The following ANKS1B variants were observed in gnomAD, a reference collection of about 807,000 sequenced individuals.
ANKS1B encodes ankyrin repeat and sterile alpha motif domain-containing protein 1B.
In ANKS1B, 36 loss-of-function variants were observed where a neutral mutation model predicts 148.3. The observed-to-expected ratio is 0.24, with a 90% confidence interval of 0.19 to 0.32. The LOEUF (loss-of-function observed/expected upper bound fraction) is 0.32, where lower values mean the gene tolerates loss of function less well. Ranked by LOEUF, ANKS1B falls within the 10% of genes least tolerant of loss-of-function variation. The pLI is 1.00. For synonymous variants in ANKS1B, 542 were observed against 560.8 expected, an observed-to-expected ratio of 0.97 and a Z score of 0.47; for missense variants, 1,157 against 1,542.6, an observed-to-expected ratio of 0.75 and a Z score of 4.19.
chr12:99,267,179 C>T (rs1262852548), intron 12 of ANKS1B, among the ~76,000 whole-genome samples: 1 of 152,170 alleles, frequency 6.6e-6, no homozygotes, highest in Admixed American at 6.5e-5. Context: ...ACTCACCATC[C>T]AGACTAGTTT....
At chr12:99,080,759 T>C (rs1429559758) in intron 16 of ANKS1B, among the ~76,000 whole-genome samples, 1 of 152,204 alleles carries the variant, frequency 6.6e-6, no homozygotes, top group Non-Finnish European at 1.5e-5. Flanking sequence ...AACTAAGTTT[T>C]ATGTTGAAAA....
In ANKS1B at chr12:99,246,850, G is replaced by C. The variant is rs2073926205; in HGVS notation, c.1771C>G (p.Gln591Glu). Reference sequence around the variant, plus strand: ...TCTTTTGGGGGATCATTGTCATCCTGTCGGGAGAGGTCATCTGCAAAAGGA... The same window carrying C: ...TCTTTTGGGGGATCATTGTCATCCTCTCGGGAGAGGTCATCTGCAAAAGGA... ...GTNHTDDLSR[Q>E]DDNDPPKEYD... Residue 591 changes from glutamine (Q) to glutamate (E), a missense_variant, in exon 13 of 27, where the codon CAG becomes GAG. Gln to Glu is a conservative substitution (Grantham distance 29). This residue lies in a region of ANKS1B where 661 missense variants were observed against 642.1 expected (regional missense o/e 1.03). Transcript: ENST00000683438. 6.3e-7 allele frequency: 1 copy of C among 1,582,578 alleles called. No homozygotes were observed.
chr12:99,963,602 T>C (rs2095445667), intron 1 of ANKS1B, among the ~76,000 whole-genome samples: 1 of 152,234 alleles, frequency 6.6e-6, no homozygotes, highest in Non-Finnish European at 1.5e-5. Context: ...CAATTAATGA[T>C]AGCATTTTTT....
intron 1 of ANKS1B, among the ~76,000 whole-genome samples, chr12:99,951,357 T>A (rs2153823093): frequency 6.6e-6 from 1 of 152,350 alleles, no homozygotes; most frequent in Middle Eastern, 3.4e-3. Flanking sequence ...TTCCTTTTTC[T>A]TGTCCTCTAT....
At chr12:99,970,245 T>C (rs1197290419) in intron 1 of ANKS1B, among the ~76,000 whole-genome samples, 2 of 152,044 alleles carry the variant, frequency 1.3e-5, no homozygotes, top group African/African-American at 2.4e-5. Flanking sequence ...CAACCATAGG[T>C]GCTTCTGATG....
chr12:98,929,409 T>C (rs183472229), intron 17 of ANKS1B, among the ~76,000 whole-genome samples: 170 of 152,150 alleles, frequency 1.1e-3, no homozygotes, highest in African/African-American at 3.7e-3. Flanking sequence ...GCCTTATTTG[T>C]AGAAATTAAT....
intron 14 of ANKS1B, among the ~76,000 whole-genome samples, chr12:99,211,634 C>T (rs987933473): frequency 6.6e-6 from 1 of 152,154 alleles, no homozygotes; most frequent in African/African-American, 2.4e-5. Flanking sequence ...CAGGAAGGAC[C>T]CGCTCCAGTT....
Position 99,400,448 on chromosome 12 carries a change from T to C in ANKS1B, c.1576-637A>G. On this transcript the variant is annotated intron_variant, in intron 11 of 26. Coordinates refer to ENST00000683438, the MANE Select transcript of ANKS1B (RefSeq NM_001352186.2). ...CCCCAAATAGCAAGAAAAGTCAATTTAAACATAAAAGTTAAAATCATGGAG... is the reference window on the plus strand; with the variant it reads ...CCCCAAATAGCAAGAAAAGTCAATTCAAACATAAAAGTTAAAATCATGGAG... 1.4e-5 allele frequency among the ~76,000 whole-genome samples: 2 copies of C among 145,908 alleles called. 1 individual carries two copies. Among genetic ancestry groups the C allele is most frequent in the Non-Finnish European group, 3.0e-5 (2 of 66,002 alleles).
chr12:99,534,363 C>A (rs1343082034), intron 9 of ANKS1B, among the ~76,000 whole-genome samples: 1 of 152,168 alleles, frequency 6.6e-6, no homozygotes, highest in Non-Finnish European at 1.5e-5. Flanking sequence ...CAGTGATAAT[C>A]ATGTCATTTG....
chr12:99,418,520 T>TTTTTG (rs1219352524), intron 11 of ANKS1B, among the ~76,000 whole-genome samples: 1 of 152,182 alleles, frequency 6.6e-6, no homozygotes, highest in Non-Finnish European at 1.5e-5. Context: ...AGGAGTGCTG[T>TTTTTG]TTTTGTTTTG....
chr12:99,243,115 G>A (rs905903543), intron 14 of ANKS1B, among the ~76,000 whole-genome samples: 1 of 152,116 alleles, frequency 6.6e-6, no homozygotes, highest in Non-Finnish European at 1.5e-5. Flanking sequence ...GAAAATTTTT[G>A]CAATCTACCC....
At chr12:99,029,161 G>A (rs574048134) in intron 17 of ANKS1B, among the ~76,000 whole-genome samples, 4 of 152,240 alleles carry the variant, frequency 2.6e-5, no homozygotes, top group South Asian at 2.1e-4. Flanking sequence ...CTTAACCAAC[G>A]ATAGGTAATG....
chr12:99,598,769 C>T (rs66681619), intron 9 of ANKS1B, among the ~76,000 whole-genome samples: 16,576 of 152,034 alleles, frequency 0.11, 1,045 homozygotes, highest in Non-Finnish European at 0.14. Flanking sequence ...GAAGCATACA[C>T]GGAAATAACA....
intron 8 of ANKS1B, among the ~76,000 whole-genome samples, chr12:99,718,585 C>T (rs2057714045): frequency 6.6e-6 from 1 of 152,182 alleles, no homozygotes; most frequent in Admixed American, 6.5e-5. Flanking sequence ...TTACAATTCC[C>T]CTATTTTACC....
intron 9 of ANKS1B, among the ~76,000 whole-genome samples, chr12:99,635,814 TA>T (rs752983900): frequency 7.9e-5 from 12 of 152,136 alleles, no homozygotes; most frequent in Non-Finnish European, 1.3e-4. Flanking sequence ...ATGTAACATT[TA>T]AAATCAATAG....
rs571068030 is a variant in ANKS1B, at chr12:98,922,314, G to A, written c.2779-90178C>T. On this transcript the variant is annotated intron_variant, in intron 17 of 26. Transcript: ENST00000683438. ...ACTCTGAATATAAGAGAGTCTACAC[G>A]CTTTTTAGTGAGGATTTTTTGATCC... 3.9e-5 allele frequency among the ~76,000 whole-genome samples: 6 copies of A among 152,046 alleles called. No individual in the cohort carries two copies. In the East Asian group the frequency reaches 1.2e-3, roughly 29 times the overall value.
At chr12:98,843,808 G>T (rs1056246334) in intron 17 of ANKS1B, among the ~76,000 whole-genome samples, 5 of 152,184 alleles carry the variant, frequency 3.3e-5, no homozygotes, top group African/African-American at 1.2e-4. Flanking sequence ...TAAGCTCCCT[G>T]ATTACTCAAG....
chr12:99,089,980 T>C (rs1264544793), intron 15 of ANKS1B, among the ~76,000 whole-genome samples: 1 of 152,212 alleles, frequency 6.6e-6, no homozygotes, highest in Non-Finnish European at 1.5e-5. Context: ...AAGAAATGTC[T>C]AATGCAGGGT....
intron 17 of ANKS1B, among the ~76,000 whole-genome samples, chr12:98,949,560 T>C: frequency 6.6e-6 from 1 of 152,102 alleles, no homozygotes. Context: ...GAGGAAGGAA[T>C]GTAAAAATGA....
Sources: gnomAD v4.1 joint callset for allele counts (sites outside exome capture counted in the v4.1 genomes callset) on GRCh38, gnomAD v4.1.1 for gene constraint, gnomAD v4.1.1 regional missense constraint, MANE v1.5 for transcripts, NCBI Gene and HGNC (gene_info 2026-07-23, HGNC 2026-07-21) for gene names.